Variants in CCDC171 observed in about 807,000 individuals in gnomAD.
The protein encoded by CCDC171 is coiled-coil domain-containing protein 171.
In CCDC171, 177 loss-of-function variants were observed where a neutral mutation model predicts 168.2. The observed-to-expected ratio is 1.05, with a 90% CI of 0.93 to 1.19. CCDC171 has a LOEUF of 1.19. Ranked by LOEUF, CCDC171 falls within the 50% of genes most tolerant of loss-of-function variation. The pLI, the probability that CCDC171 is intolerant of heterozygous loss-of-function variation, is 0.00. For synonymous variants in CCDC171, 687 were observed against 540.8 expected (o/e 1.27, Z -3.75); for missense variants, 1,991 against 1,539.0 (o/e 1.29, Z -4.91).
intron 24 of CCDC171, among the ~76,000 whole-genome samples, chr9:15,919,600 A>T (rs1825026760): frequency 6.6e-6 from 1 of 151,646 alleles, no homozygotes; most frequent in Admixed American, 6.6e-5. Context: ...ATTGCTTTAG[A>T]AGAAAAATTC....
In CCDC171 at chr9:15,619,034, C is replaced by G. The variant is rs543833995; in HGVS notation, c.676-4233C>G. 9.0e-4 allele frequency among the ~76,000 whole-genome samples: 137 copies of G among 152,186 alleles called. 1 individual carries two copies. In the South Asian group the frequency reaches 0.027, roughly 30 times the overall value. On this transcript the variant is annotated intron_variant, in intron 6 of 25. Transcript: ENST00000380701. ...TTGTTTTGGGGCACCATGAACCATG[C>G]CTGCATAAGGTGATGTACTTAATTT...
intron 3 of CCDC171, among the ~76,000 whole-genome samples, chr9:15,577,489 T>C (rs761040248): frequency 1.3e-5 from 2 of 152,208 alleles, no homozygotes; most frequent in African/African-American, 2.4e-5. Context: ...TGTAGATCAC[T>C]AGAATCCCAT....
At chr9:15,600,438 C>T (rs1349537449) in intron 6 of CCDC171, among the ~76,000 whole-genome samples, 2 of 152,182 alleles carry the variant, frequency 1.3e-5, no homozygotes, top group Non-Finnish European at 1.5e-5. Flanking sequence ...GCAGTAGAGG[C>T]TGCAGAACAG....
At chr9:15,656,073 A>G (rs997758260) in intron 7 of CCDC171, among the ~76,000 whole-genome samples, 6 of 152,184 alleles carry the variant, frequency 3.9e-5, no homozygotes, top group Non-Finnish European at 8.8e-5. Flanking sequence ...TAATCCTAGC[A>G]CTTTGGGAGG....
At chr9:15,724,696 A>G in intron 13 of CCDC171, 80 bp from the exon 14 acceptor site, 1 of 809,308 alleles carries the variant, frequency 1.2e-6, no homozygotes, top group South Asian at 1.8e-5. Context: ...GAAAATGTTC[A>G]ATATGTGTTT....
At chr9:15,708,095 G>A (rs774728990) in intron 11 of CCDC171, among the ~76,000 whole-genome samples, 104 of 152,174 alleles carry the variant, frequency 6.8e-4, no homozygotes, top group Non-Finnish European at 1.2e-3. Context: ...TGATCTGCCC[G>A]TCTTGGCCTC....
upstream of CCDC171, among the ~76,000 whole-genome samples, chr9:16,040,216 C>G (rs1833550516): frequency 6.6e-6 from 1 of 152,204 alleles, no homozygotes; most frequent in Admixed American, 6.5e-5. Context: ...GTGTTGGAGG[C>G]TGGCCAACGC....
chr9:15,880,964 A>G (rs62548680), intron 24 of CCDC171, among the ~76,000 whole-genome samples: 1 of 152,156 alleles, frequency 6.6e-6, no homozygotes, highest in South Asian at 2.1e-4. Flanking sequence ...AACGAATTTG[A>G]TGGAAAAATA....
chr9:15,904,883 T>TA (rs1822298470), intron 24 of CCDC171, among the ~76,000 whole-genome samples: 1 of 151,384 alleles, frequency 6.6e-6, no homozygotes, highest in African/African-American at 2.4e-5. Context: ...TAGTCTCTGA[T>TA]AAAACAGACT....
the CCDC171 span, among the ~76,000 whole-genome samples, chr9:16,097,725 G>T: frequency 6.6e-6 from 1 of 152,138 alleles, no homozygotes; most frequent in Admixed American, 6.5e-5. Context: ...GACTGCCCTG[G>T]GTTTAAGGTG....
At chr9:15,796,416 A>G (rs1195455968) in intron 21 of CCDC171, among the ~76,000 whole-genome samples, 1 of 152,220 alleles carries the variant, frequency 6.6e-6, no homozygotes, top group African/African-American at 2.4e-5. Flanking sequence ...GAGATGACAG[A>G]ATAACGAAGA....
chr9:15,646,756 C>A (rs1237166117), intron 7 of CCDC171, among the ~76,000 whole-genome samples: 1 of 152,116 alleles, frequency 6.6e-6, no homozygotes, highest in Non-Finnish European at 1.5e-5. Flanking sequence ...TAAAACAAAT[C>A]CTTAGAGACC....
At chr9:15,796,185 A>T (rs1206669066) in intron 21 of CCDC171, among the ~76,000 whole-genome samples, 1 of 152,250 alleles carries the variant, frequency 6.6e-6, no homozygotes, top group Non-Finnish European at 1.5e-5. Flanking sequence ...AAGTTAAGAC[A>T]TGAAAATATA....
At chr9:15,554,115 G>A (rs1206857997) in intron 1 of CCDC171, among the ~76,000 whole-genome samples, 2 of 151,926 alleles carry the variant, frequency 1.3e-5, no homozygotes, top group Non-Finnish European at 2.9e-5. Flanking sequence ...CGCCTCCCGG[G>A]TTCACGCCAT....
intron 24 of CCDC171, among the ~76,000 whole-genome samples, chr9:15,914,375 G>C (rs1824171637): frequency 6.6e-6 from 1 of 152,298 alleles, no homozygotes; most frequent in Middle Eastern, 3.4e-3. Flanking sequence ...AGGCAGTCTG[G>C]CTACAGTGGC....
chr9:16,011,371 A>C (rs1242420837), intron 3 of CCDC171, among the ~76,000 whole-genome samples: 1 of 151,312 alleles, frequency 6.6e-6, no homozygotes, highest in African/African-American at 2.4e-5. Flanking sequence ...TGAAAGATGC[A>C]ATCTGAAAAA....
chr9:15,982,641 C>G (rs947462651), intron 3 of CCDC171, among the ~76,000 whole-genome samples: 1 of 152,142 alleles, frequency 6.6e-6, no homozygotes, highest in Admixed American at 6.5e-5. Flanking sequence ...TGTCTGCTCT[C>G]TGATCTCTGG....
intron 6 of CCDC171, among the ~76,000 whole-genome samples, chr9:15,610,321 G>C (rs2043556954): frequency 4.0e-5 from 6 of 150,504 alleles, no homozygotes; most frequent in Admixed American, 4.0e-4. Context: ...AACCTCCTGG[G>C]CTCGGCTGGG....
intron 21 of CCDC171, among the ~76,000 whole-genome samples, chr9:15,809,761 T>G (rs549206803): frequency 1.3e-5 from 2 of 152,266 alleles, no homozygotes; most frequent in South Asian, 2.1e-4. Flanking sequence ...CAGCAAGATT[T>G]ATTGCAAAGA....
Sources: allele counts gnomAD v4.1 joint callset (sites outside exome capture counted in the v4.1 genomes callset), GRCh38; gene constraint gnomAD v4.1.1; transcripts MANE v1.5; gene names NCBI Gene and HGNC (gene_info 2026-07-23, HGNC 2026-07-21).